ZNF395: variants seen among roughly 807,000 people sequenced by gnomAD.
The protein encoded by ZNF395 is zinc finger protein 395, also known as HD gene regulatory region-binding protein 2.
ZNF395 carries 20 observed loss-of-function variants against 57.7 expected under a neutral mutation model. The observed-to-expected ratio is 0.35, with a 90% confidence interval of 0.24 to 0.50. The LOEUF (loss-of-function observed/expected upper bound fraction) is 0.50, where lower values mean the gene tolerates loss of function less well. ZNF395 is among the 20% of genes least tolerant of loss of function. ZNF395 has a pLI of 0.97. For synonymous variants in ZNF395, 295 were observed against 275.9 expected, an observed-to-expected ratio of 1.07 and a Z score of -0.69; for missense variants, 606 against 671.2, an observed-to-expected ratio of 0.90 and a Z score of 1.07.
chr8:28,353,289 G>T lies in ZNF395; in HGVS notation c.703C>A (p.Pro235Thr). 1.2e-6 allele frequency: 2 copies of T among 1,610,908 alleles called. No homozygotes were observed. The highest frequency in any genetic ancestry group is 4.5e-5 in the East Asian group (2 of 44,820). ...SGVSTPSPPH[P>T]QASPKYLGDA... ...CCCAAATACTTGGGGCTGGCCTGGG[G>T]GTGGGGGGGCGAGGGGGTGGAGACA... Residue 235 changes from proline (P) to threonine (T), a missense_variant, in exon 5 of 10, where the codon CCC becomes ACC. By Grantham distance (38) the Pro-to-Thr change is conservative. This residue lies in a region of ZNF395 where 309 missense variants were observed against 374.7 expected (regional missense o/e 0.82). Coordinates refer to ENST00000344423, the MANE Select transcript of ZNF395 (RefSeq NM_018660.3).
At chr8:28,372,176 T>C (rs1419315075) in intron 1 of ZNF395, among the ~76,000 whole-genome samples, 1 of 152,136 alleles carries the variant, frequency 6.6e-6, no homozygotes, top group African/African-American at 2.4e-5. Context: ...CAGAGGATAA[T>C]TTGGGGCTTT....
At chr8:28,381,105 A>G (rs1277697142) in intron 1 of ZNF395, among the ~76,000 whole-genome samples, 2 of 151,612 alleles carry the variant, frequency 1.3e-5, no homozygotes, top group African/African-American at 4.8e-5. Context: ...GCAGTGGCAC[A>G]ATCTCGGCTC....
At chr8:28,354,305 C>T (rs1359754340) in intron 4 of ZNF395, among the ~76,000 whole-genome samples, 1 of 152,158 alleles carries the variant, frequency 6.6e-6, no homozygotes, top group Non-Finnish European at 1.5e-5. Context: ...GGCCAAAAAT[C>T]CAGGTGAATT....
chr8:28,351,484 C>G lies in ZNF395; in HGVS notation c.1233+11G>C, dbSNP rs777860666. On this transcript the variant is annotated intron_variant, in intron 7 of 9. Transcript: ENST00000344423. ...TATGAGCCTGAGCCTCCAGCGAGCC[C>G]CGCCCCATACCTGGTATGCATGATC... 5.1e-6 allele frequency: 8 copies of G among 1,582,026 alleles called. No homozygotes were observed. In the South Asian group the frequency reaches 7.9e-5, roughly 16 times the overall value.
Position 28,359,944 on chromosome 8 carries a change from A to G in ZNF395, c.241-120T>C. 7.0e-7 allele frequency: 1 copy of G among 1,430,186 alleles called. No homozygotes were observed. The highest frequency in any genetic ancestry group is 2.5e-5 in the East Asian group (1 of 40,036). The allele number at this position is 1,430,186 out of a possible 1,614,324, so 88.6% of individuals were successfully genotyped here. A position where few individuals can be genotyped will look rare whatever the true frequency, so the allele number is the denominator to read the frequency against. ...TGCCACAAACCATGTTCTCTGCCTC[A>G]CTCATCTTTTATTCAAGCAGATGTT... On this transcript the variant is annotated intron_variant, in intron 2 of 9. Coordinates refer to ENST00000344423, the MANE Select transcript of ZNF395 (RefSeq NM_018660.3). The surrounding 1 kb of genome is among the most constrained non-coding windows in gnomAD (Gnocchi z 4.7).
At chr8:28,385,408 C>CCG (rs1667956035) in intron 1 of ZNF395, 1 of 151,814 alleles carries the variant, frequency 6.6e-6, no homozygotes, top group Non-Finnish European at 1.5e-5. Context: ...CCCCGCCCCC[C>CCG]CCCCGGGCAC....
chr8:28,362,098 A>T (rs1168338491), intron 1 of ZNF395, among the ~76,000 whole-genome samples: 1 of 151,914 alleles, frequency 6.6e-6, no homozygotes, highest in East Asian at 1.9e-4. Context: ...ACTCAAAAAA[A>T]AAAAAAAGAA....
intron 8 of ZNF395, 44 bp from the exon 9 acceptor site, chr8:28,349,272 A>G (rs1372937918): frequency 6.9e-7 from 1 of 1,456,544 alleles, no homozygotes; most frequent in East Asian, 2.4e-5. Context: ...ACATTCAGGA[A>G]AGGTGAGGGA....
rs1347649690 is a variant in ZNF395, at chr8:28,351,604, T to C, written c.1124A>G (p.Gln375Arg). 2.1e-5 allele frequency: 34 copies of C among 1,613,592 alleles called. No individual in the cohort carries two copies. The highest frequency in any genetic ancestry group is 2.9e-5 in the Non-Finnish European group (34 of 1,180,022). Residue 375 changes from glutamine (Q) to arginine (R), a missense_variant, in exon 7 of 10, where the codon CAG becomes CGG. Gln to Arg is a conservative substitution (Grantham distance 43, BLOSUM62 1). This residue lies in a region of ZNF395 where 261 missense variants were observed against 240.3 expected (regional missense o/e 1.09). Coordinates refer to ENST00000344423, the MANE Select transcript of ZNF395 (RefSeq NM_018660.3). The stretch of plus-strand genomic sequence containing the variant: ...GCCAGGATGTTCTGGGCCGGAGGAC[T>C]GGGCTTTGTGCAGAGGTGGTGGAAG... ...SALPPPLHKA[Q>R]SSGPEHPGPE...
intron 1 of ZNF395, among the ~76,000 whole-genome samples, chr8:28,363,176 G>C (rs1473194195): frequency 6.6e-6 from 1 of 150,982 alleles, no homozygotes; most frequent in Non-Finnish European, 1.5e-5. Context: ...TTGTTGCCCA[G>C]GCTGGAGTGC....
In ZNF395 at chr8:28,385,899, A is replaced by AC. The variant is rs1219390844; in HGVS notation, c.-59+493dup. On this transcript the variant is annotated intron_variant, in intron 1 of 9. Coordinates refer to ENST00000344423, the MANE Select transcript of ZNF395 (RefSeq NM_018660.3). ...CGGCCCCGGCCTCCCAGACCCCCGG[A>AC]CCCCCCAGGCCGCCGGCCCGACAGC... is the stretch of plus-strand genomic sequence containing the variant. The AC allele has an allele frequency of 9.2e-4, 125 of 135,708 alleles. 1 individual carries two copies. The highest frequency in any genetic ancestry group is 3.0e-3 in the African/African-American group (113 of 37,120). 8.4% of individuals were successfully genotyped at this position (135,708 alleles called of 1,614,324 possible). A position where few individuals can be genotyped will look rare whatever the true frequency, so the allele number is the denominator to read the frequency against.
intron 1 of ZNF395, among the ~76,000 whole-genome samples, chr8:28,371,460 T>C (rs888889116): frequency 2.0e-5 from 3 of 152,148 alleles, no homozygotes; most frequent in African/African-American, 7.2e-5. Flanking sequence ...GGATTACAGG[T>C]GTGAGCCACC....
At chr8:28,350,785 AAAAT>A (rs1238529540) in intron 7 of ZNF395, among the ~76,000 whole-genome samples, 1 of 152,204 alleles carries the variant, frequency 6.6e-6, no homozygotes, top group Non-Finnish European at 1.5e-5. Context: ...ACAGACTGAT[AAAAT>A]AGGCACAAAA....
chr8:28,358,616 T>C (rs1319161886), intron 3 of ZNF395, among the ~76,000 whole-genome samples: 2 of 151,272 alleles, frequency 1.3e-5, no homozygotes, highest in Admixed American at 6.6e-5. Flanking sequence ...TTTTATTTTT[T>C]TGTAGAGTCA....
In ZNF395 at chr8:28,347,479, C is replaced by T. The variant is rs1285552802; in HGVS notation, c.*1240G>A. The T allele has an allele frequency of 2.0e-5, 3 of 152,312 alleles. No homozygotes were observed. Among genetic ancestry groups the T allele is most frequent in the African/African-American group, 7.2e-5 (3 of 41,452 alleles). The allele number at this position is 152,312 out of a possible 1,614,324, so 9.4% of individuals were successfully genotyped here. ...GGTGCTACACTCCCGAGACCTCCCT[C>T]CTTCTCCCCAAGAACAGCTCTGCTT... On this transcript the variant is annotated 3_prime_UTR_variant, in exon 10 of 10. Coordinates refer to ENST00000344423, the MANE Select transcript of ZNF395 (RefSeq NM_018660.3).
Position 28,356,847 on chromosome 8 carries a change from G to C in ZNF395, c.474-68C>G. The C allele has an allele frequency of 8.0e-7, 1 of 1,254,824 alleles. No homozygotes were observed. Among genetic ancestry groups the C allele is most frequent in the Non-Finnish European group, 1.1e-6 (1 of 888,652 alleles). The allele number at this position is 1,254,824 out of a possible 1,614,324, so 77.7% of individuals were successfully genotyped here. A position where few individuals can be genotyped will look rare whatever the true frequency, so the allele number is the denominator to read the frequency against. On this transcript the variant is annotated intron_variant, in intron 3 of 9. Coordinates refer to ENST00000344423, the MANE Select transcript of ZNF395 (RefSeq NM_018660.3). The surrounding 1 kb of genome is among the most constrained non-coding windows in gnomAD (Gnocchi z 4.0). Reference sequence around the variant, plus strand: ...GGCGGGCCCATGGTCCTTGCAAAACGAGACACCACTTCTGGCTGGTTTCAC... The same window carrying C: ...GGCGGGCCCATGGTCCTTGCAAAACCAGACACCACTTCTGGCTGGTTTCAC...
In ZNF395 at chr8:28,351,576, C is replaced by G. The variant is rs145491469; in HGVS notation, c.1152G>C (p.Pro384=). The G allele has an allele frequency of 6.2e-7, 1 of 1,613,758 alleles. No homozygotes were observed. Among genetic ancestry groups the G allele is most frequent in the East Asian group, 2.2e-5 (1 of 44,864 alleles). Residue 384 remains proline (P), a synonymous_variant, in exon 7 of 10, where the codon CCG becomes CCC. Coordinates refer to ENST00000344423, the MANE Select transcript of ZNF395 (RefSeq NM_018660.3). ...GAGCCCCTGAGGGCAGGGAGGACTC[C>G]GGGCCAGGATGTTCTGGGCCGGAGG... The part of the protein sequence containing the change: ...AQSSGPEHPG[P]ESSLPSGALS...
intron 3 of ZNF395, among the ~76,000 whole-genome samples, chr8:28,357,443 T>C (rs562061164): frequency 4.6e-5 from 7 of 152,346 alleles, no homozygotes; most frequent in African/African-American, 1.7e-4. Context: ...ACATAATTTT[T>C]TAAAAATCCG....
chr8:28,383,157 G>A (rs1176698088), intron 1 of ZNF395, among the ~76,000 whole-genome samples: 4 of 152,208 alleles, frequency 2.6e-5, no homozygotes, highest in African/African-American at 9.6e-5. Flanking sequence ...CACTGATCTT[G>A]CATTTCAGAG....
Sources: gnomAD v4.1 joint callset for allele counts (sites outside exome capture counted in the v4.1 genomes callset) on GRCh38, gnomAD v4.1.1 for gene constraint, gnomAD v4.1.1 regional missense constraint, Gnocchi (gnomAD v3.1) non-coding constraint, MANE v1.5 for transcripts, NCBI Gene and HGNC (gene_info 2026-07-23, HGNC 2026-07-21) for gene names.